The following ARID1B variants were observed in gnomAD, a reference collection of about 807,000 sequenced individuals.
The protein encoded by ARID1B is AT-rich interaction domain 1B, also known as AT-rich interactive domain-containing protein 1B.
A neutral mutation model predicts 212.3 loss-of-function variants in ARID1B; 30 were observed. That is an observed-to-expected ratio of 0.14 (90% CI 0.11 to 0.19). The LOEUF is 0.19. Ranked by LOEUF, ARID1B falls within the 10% of genes least tolerant of loss-of-function variation. The probability of loss-of-function intolerance (pLI) is 1.00; values close to 1 mark genes in which losing one functional copy is unlikely to be tolerated. For synonymous variants in ARID1B, 1,402 were observed against 1,301.7 expected, an observed-to-expected ratio of 1.08 and a Z score of -1.66; for missense variants, 2,891 against 3,204.0, an observed-to-expected ratio of 0.90 and a Z score of 2.36.
rs534254293 is a variant in ARID1B at position 156,847,351 on chromosome 6, C to A, written c.1986+17930C>A. ...GGAGGCCATGTAAGGGTGGGGTGGC[C>A]TTTGTTTAGATTCGCCAGGAAAAGC... On this transcript the variant is annotated intron_variant, in intron 2 of 19. Transcript: ENST00000636930. Among the ~76,000 whole-genome samples, 75 of 152,268 alleles carry A rather than the reference C, an allele frequency of 4.9e-4. 1 individual carries two copies. Among genetic ancestry groups the A allele is most frequent in the African/African-American group, 1.7e-3 (72 of 41,530 alleles).
At chr6:156,819,141 T>G (rs2128008155) in intron 1 of ARID1B, among the ~76,000 whole-genome samples, 1 of 152,322 alleles carries the variant, frequency 6.6e-6, no homozygotes, top group East Asian at 1.9e-4. Flanking sequence ...CACAAAAGCT[T>G]CTTTCTCAAT....
intron 1 of ARID1B, 22 bp from the exon 2 acceptor site, chr6:156,829,205 G>A (rs1305875715): frequency 3.8e-6 from 6 of 1,571,858 alleles, no homozygotes; most frequent in African/African-American, 1.4e-5. Context: ...TTAATAAACC[G>A]ACTTCTTTTA....
chr6:157,123,952 G>A (rs1400741769), intron 6 of ARID1B, among the ~76,000 whole-genome samples: 2 of 152,262 alleles, frequency 1.3e-5, no homozygotes, highest in African/African-American at 4.8e-5. Flanking sequence ...TTGGTCTGCA[G>A]AGCCCTCACT....
intron 4 of ARID1B, among the ~76,000 whole-genome samples, chr6:156,997,335 TTACAGC>T (rs1212145504): frequency 6.6e-6 from 1 of 152,216 alleles, no homozygotes; most frequent in Admixed American, 6.5e-5. Flanking sequence ...GCACTCTGTG[TTACAGC>T]TCTTCAGTCT....
chr6:157,133,068 G>A lies in ARID1B; in HGVS notation c.2622G>A (p.Gln874=), dbSNP rs778702667. Residue 874 remains glutamine, a synonymous_variant, in exon 7 of 20, where the codon CAG becomes CAA. Coordinates refer to ENST00000636930, the MANE Select transcript of ARID1B (RefSeq NM_001374828.1). ...AGTQRNPQMA[Q]YGPQQTGPSM... is the part of the protein sequence containing the mutation. ...CACAAAGAAACCCTCAGATGGCTCA[G>A]TATGGACCTCAACAGACAGGACCAT... 3.1e-6 allele frequency: 5 copies of A among 1,613,550 alleles called. No individual in the cohort carries two copies. The highest frequency in any genetic ancestry group is 4.2e-6 in the Non-Finnish European group (5 of 1,179,914).
chr6:157,065,842 TGTAA>T (rs1322276106), intron 4 of ARID1B, among the ~76,000 whole-genome samples: 1 of 152,208 alleles, frequency 6.6e-6, no homozygotes, highest in Non-Finnish European at 1.5e-5. Context: ...CATTTTTTAA[TGTAA>T]GTATTGTGGA....
At position 157,181,216 on chromosome 6, in the gene ARID1B, T is replaced by C. The variant is rs1381975535; in HGVS notation, c.3714+38T>C. The C allele has an allele frequency of 3.7e-6, 6 of 1,605,382 alleles. No homozygotes were observed. The African/African-American group carries it at 4.0e-5, about 11-fold the overall frequency. On this transcript the variant is annotated intron_variant, in intron 12 of 19. Transcript: ENST00000636930. ...GAGGGAGGGGGTGAAAAAGGAAGCA[T>C]TGTGGATAAGTTCTTACAGTGGCTT...
intron 3 of ARID1B, among the ~76,000 whole-genome samples, chr6:156,909,113 T>G (rs934576985): frequency 2.0e-5 from 3 of 148,608 alleles, no homozygotes; most frequent in Admixed American, 6.8e-5. Flanking sequence ...TTTTTTTCTT[T>G]TTTCTTTCTC....
In ARID1B at chr6:157,198,811, G is replaced by A. The variant is rs779177994; in HGVS notation, c.4383G>A (p.Arg1461=). 6.8e-6 allele frequency: 11 copies of A among 1,610,166 alleles called. No homozygotes were observed. In the East Asian group the frequency reaches 2.2e-4, roughly 33 times the overall value. The change falls in exon 17 of 20, where the codon AGG becomes AGA. Residue 1461 remains arginine, a splice_region_variant and synonymous_variant. Transcript: ENST00000636930. ...GTTTTCTTTGAATGCCTCATTCCAG[G>A]CATGAACCTTATGGGCAGCAGTATC... ...QFPYGASYDR[R]HEPYGQQYPG...
intron 4 of ARID1B, among the ~76,000 whole-genome samples, chr6:157,077,041 T>C (rs17088067): frequency 0.21 from 31,817 of 152,108 alleles, 3,675 homozygotes; most frequent in African/African-American, 0.31. Flanking sequence ...TTTCAACTCA[T>C]GTTTTTCATT....
chr6:156,803,295 A>G (rs1181197324), intron 1 of ARID1B, among the ~76,000 whole-genome samples: 1 of 152,214 alleles, frequency 6.6e-6, no homozygotes, highest in Non-Finnish European at 1.5e-5. Flanking sequence ...ATAATGTTGT[A>G]TAATAGAAAT....
chr6:157,134,772 A>G (rs7757236), intron 7 of ARID1B, among the ~76,000 whole-genome samples: 17,900 of 152,192 alleles, frequency 0.12, 1,321 homozygotes, highest in African/African-American at 0.19. Context: ...GGCAGTTGGA[A>G]AAACGGTTTG....
intron 4 of ARID1B, among the ~76,000 whole-genome samples, chr6:156,945,153 T>G (rs1001917531): frequency 6.8e-6 from 1 of 146,898 alleles, no homozygotes; most frequent in African/African-American, 2.5e-5. Flanking sequence ...GCCAGGATGG[T>G]CTTGATCTCC....
intron 4 of ARID1B, among the ~76,000 whole-genome samples, chr6:156,994,488 TA>T (rs11351368): frequency 0.04 from 6,031 of 151,580 alleles, 396 homozygotes; most frequent in African/African-American, 0.14. Context: ...AAATGATACT[TA>T]AAACAAATAT....
chr6:156,867,210 C>T (rs576907510), intron 2 of ARID1B, among the ~76,000 whole-genome samples: 2 of 152,284 alleles, frequency 1.3e-5, no homozygotes, highest in African/African-American at 4.8e-5. Context: ...ATGTTAAAAT[C>T]AAAGTTTTAA....
chr6:157,056,994 C>G (rs1236383293), intron 4 of ARID1B, among the ~76,000 whole-genome samples: 2 of 148,616 alleles, frequency 1.3e-5, no homozygotes, highest in Non-Finnish European at 3.0e-5. Flanking sequence ...TTTTATTACC[C>G]CAGTTGTTTG....
intron 2 of ARID1B, among the ~76,000 whole-genome samples, chr6:156,870,948 GTC>G (rs1786079659): frequency 6.6e-6 from 1 of 152,136 alleles, no homozygotes; most frequent in Non-Finnish European, 1.5e-5. Context: ...TGTTCCTAAA[GTC>G]TGTGCATGTT....
intron 15 of ARID1B, among the ~76,000 whole-genome samples, chr6:157,192,211 T>G (rs1793430811): frequency 6.6e-6 from 1 of 152,210 alleles, no homozygotes; most frequent in Non-Finnish European, 1.5e-5. Flanking sequence ...ATTTCGTTAG[T>G]GCTTTTGGTG....
intron 1 of ARID1B, among the ~76,000 whole-genome samples, chr6:156,823,980 T>C (rs1373829585): frequency 6.6e-6 from 1 of 152,180 alleles, no homozygotes; most frequent in Non-Finnish European, 1.5e-5. Flanking sequence ...AAAAGGACAG[T>C]TGGATTCCCA....
Sources: allele counts gnomAD v4.1 joint callset (sites outside exome capture counted in the v4.1 genomes callset), GRCh38; gene constraint gnomAD v4.1.1; transcripts MANE v1.5; gene names NCBI Gene and HGNC (gene_info 2026-07-23, HGNC 2026-07-21).